The following CNNM4 variants were observed in gnomAD, a reference collection of about 807,000 sequenced individuals.
The protein encoded by CNNM4 is cyclin and CBS domain divalent metal cation transport mediator 4.
CNNM4 carries 32 observed loss-of-function variants against 53.7 expected under a neutral mutation model. The observed-to-expected ratio is 0.60, with a 90% CI of 0.45 to 0.80. The LOEUF (loss-of-function observed/expected upper bound fraction) is 0.80, where lower values mean the gene tolerates loss of function less well. CNNM4 is among the 30% of genes least tolerant of loss of function. The pLI is 0.00. For missense variants in CNNM4, 784 were observed against 1,022.0 expected (o/e 0.77, Z 3.17); for synonymous variants, 410 against 440.0 (o/e 0.93, Z 0.85).
rs754494081 is a variant in CNNM4 at position 96,761,563 on chromosome 2, A to G, written c.564A>G (p.Leu188=). Residue 188 remains leucine (L), a synonymous_variant, in exon 1 of 7, where the codon CTA becomes CTG. Transcript: ENST00000377075. This position sits in a 1 kb window ranked among gnomAD's most constrained non-coding sequence, Gnocchi z 6.0. Reference sequence around the variant, plus strand: ...TGCCTCTCTGGCTGCACATTCTCCTAATTACGGTGCTGCTGGTGCTGTCGG... The same window carrying G: ...TGCCTCTCTGGCTGCACATTCTCCTGATTACGGTGCTGCTGGTGCTGTCGG... ...RFLPLWLHIL[L]ITVLLVLSGI... 5.0e-6 allele frequency: 8 copies of G among 1,613,568 alleles called. No homozygotes were observed. The highest frequency in any genetic ancestry group is 6.8e-6 in the Non-Finnish European group (8 of 1,179,892).
At chr2:96,774,454 G>A (rs1216437714) in intron 1 of CNNM4, among the ~76,000 whole-genome samples, 5 of 152,094 alleles carry the variant, frequency 3.3e-5, no homozygotes, top group African/African-American at 4.8e-5. Context: ...AAAAAAGAAC[G>A]AACAGGGGAA....
chr2:96,787,716 C>A (rs2079026925), intron 1 of CNNM4, among the ~76,000 whole-genome samples: 1 of 151,976 alleles, frequency 6.6e-6, no homozygotes, highest in Non-Finnish European at 1.5e-5. Context: ...TAAAAATTAG[C>A]TGAGCTTAGT....
chr2:96,762,223 C>T lies in CNNM4; in HGVS notation c.1224C>T (p.Ile408=). The T allele has an allele frequency of 6.2e-7, 1 of 1,614,170 alleles. No homozygotes were observed. The highest frequency in any genetic ancestry group is 8.5e-7 in the Non-Finnish European group (1 of 1,180,046). The change falls in exon 1 of 7, where the codon ATC becomes ATT. Residue 408 remains isoleucine, a synonymous_variant. Coordinates refer to ENST00000377075, the MANE Select transcript of CNNM4 (RefSeq NM_020184.4). The part of the protein sequence containing the change: ...SEIMESGYTR[I]PVFEDEQSNI... Reference sequence around the variant, plus strand: ...TAATGGAAAGCGGCTATACTCGCATCCCGGTGTTCGAAGACGAGCAGTCCA... The same window carrying T: ...TAATGGAAAGCGGCTATACTCGCATTCCGGTGTTCGAAGACGAGCAGTCCA...
intron 5 of CNNM4, among the ~76,000 whole-genome samples, 178 bp downstream of exon 5, chr2:96,799,826 G>A (rs1449803379): frequency 6.6e-6 from 1 of 152,196 alleles, no homozygotes; most frequent in Non-Finnish European, 1.5e-5. Flanking sequence ...AGAGCAGAGG[G>A]AGCTGCCACT....
At position 96,761,591 on chromosome 2, in the gene CNNM4, A is replaced by G. The variant is rs933665899; in HGVS notation, c.592A>G (p.Ile198Val). The G allele has an allele frequency of 6.2e-7, 1 of 1,614,104 alleles. No homozygotes were observed. Among genetic ancestry groups the G allele is most frequent in the Non-Finnish European group, 8.5e-7 (1 of 1,180,016 alleles). ...TACGGTGCTGCTGGTGCTGTCGGGC[A>G]TATTTTCTGGCCTCAACCTCGGGCT... The part of the protein sequence containing the change: ...LITVLLVLSG[I>V]FSGLNLGLMA... Residue 198 changes from isoleucine to valine, a missense_variant, in exon 1 of 7, where the codon ATA (isoleucine) becomes GTA (valine). Physicochemically the swap from Ile to Val is conservative, Grantham distance 29. Transcript: ENST00000377075. The surrounding 1 kb of genome is among the most constrained non-coding windows in gnomAD (Gnocchi z 6.0).
At position 96,800,899 on chromosome 2, in the gene CNNM4, G is replaced by A. The variant is rs573691612; in HGVS notation, c.1948+1251G>A. Among the ~76,000 whole-genome samples, 1 of 152,282 alleles carries A rather than the reference G, an allele frequency of 6.6e-6. No individual in the cohort carries two copies. The highest frequency in any genetic ancestry group is 2.4e-5 in the African/African-American group (1 of 41,556). ...CCAGCTTCTGCCTGTCTCCGCACAG[G>A]GCTCACCGCTGTGCCCTGAGCACCC... On this transcript the variant is annotated intron_variant, in intron 5 of 6. Transcript: ENST00000377075. This position sits in a 1 kb window ranked among gnomAD's most constrained non-coding sequence, Gnocchi z 4.6.
intron 1 of CNNM4, among the ~76,000 whole-genome samples, chr2:96,791,380 C>T (rs1423231393): frequency 1.3e-5 from 2 of 151,666 alleles, no homozygotes; most frequent in African/African-American, 4.8e-5. Flanking sequence ...GCCTGTAATC[C>T]CGGCACTTAG....
At chr2:96,806,535 A>ACACACACGCGCGCG (rs374638753) in intron 5 of CNNM4, among the ~76,000 whole-genome samples, 1 of 123,944 alleles carries the variant, frequency 8.1e-6, no homozygotes, top group Non-Finnish European at 1.8e-5. Context: ...ACACACACAC[A>ACACACACGCGCGCG]CGCGCGCGCG....
Position 96,809,447 on chromosome 2 carries a change from A to G in CNNM4, c.2258A>G (p.Asp753Gly). The change falls in exon 7 of 7, where the codon GAC becomes GGC. Residue 753 changes from aspartate (D) to glycine (G), a missense_variant. Coordinates refer to ENST00000377075, the MANE Select transcript of CNNM4 (RefSeq NM_020184.4). ...GAGAAGTCTGAGCTGCCTGTGGTGG[A>G]CGAGACCACAACTCTTCTCAACGAG... is the stretch of plus-strand genomic sequence containing the variant. ...LAEKSELPVVDETTTLLNERN... is the reference protein window; with the variant it reads ...LAEKSELPVVGETTTLLNERN... 6.2e-7 allele frequency: 1 copy of G among 1,614,180 alleles called. No individual in the cohort carries two copies. The highest frequency in any genetic ancestry group is 8.5e-7 in the Non-Finnish European group (1 of 1,180,018).
rs139005295 is a variant in CNNM4 at position 96,797,846 on chromosome 2, C to A, written c.1681+199C>A. On this transcript the variant is annotated intron_variant, in intron 3 of 6. Transcript: ENST00000377075. This position sits in a 1 kb window ranked among gnomAD's most constrained non-coding sequence, Gnocchi z 6.0. ...CTGCGATTCATTTGCCATTAATGGG[C>A]GGCTACTGCAAACTTCTAGGAAGCA... Among the ~76,000 whole-genome samples the A allele has an allele frequency of 0.031, 4,791 of 152,270 alleles. 104 individuals carry two copies. The highest frequency in any genetic ancestry group is 0.06 in the South Asian group (291 of 4,824).
Position 96,799,063 on chromosome 2 carries a change from C to T in CNNM4, c.1688C>T (p.Ser563Phe). The change falls in exon 4 of 7, where the codon TCT becomes TTT. Residue 563 changes from serine to phenylalanine, a missense_variant. Around this residue, in one of 3 missense-constraint regions of CNNM4, gnomAD observed 307 missense variants for 376.3 expected, o/e 0.82. Coordinates refer to ENST00000377075, the MANE Select transcript of CNNM4 (RefSeq NM_020184.4). ...CTTCTCTCTCCTCCTACAGAGGTCT[C>T]TCAGTTTAGCCCCTCCCTGATATCA... ...AAHRFLATEV[S>F]QFSPSLISEK... The T allele has an allele frequency of 6.2e-7, 1 of 1,614,122 alleles. No individual in the cohort carries two copies. The highest frequency in any genetic ancestry group is 8.5e-7 in the Non-Finnish European group (1 of 1,179,998).
chr2:96,806,735 C>G (rs989092998), intron 5 of CNNM4, among the ~76,000 whole-genome samples: 1 of 152,122 alleles, frequency 6.6e-6, no homozygotes, highest in African/African-American at 2.4e-5. Context: ...CTTCTTTGTG[C>G]GTTTCATGGT....
intron 1 of CNNM4, among the ~76,000 whole-genome samples, chr2:96,765,781 CT>C (rs1394686273): frequency 8.2e-6 from 1 of 121,538 alleles, no homozygotes; most frequent in Non-Finnish European, 1.7e-5. Context: ...TTCTTTTTTT[CT>C]TTCTTTCTTT....
At position 96,799,105 on chromosome 2, in the gene CNNM4, G is replaced by A. The variant is rs773546305; in HGVS notation, c.1730G>A (p.Arg577Gln). 4 of 1,613,978 alleles carry A rather than the reference G, an allele frequency of 2.5e-6. No individual in the cohort carries two copies. Among genetic ancestry groups the A allele is most frequent in the African/African-American group, 2.7e-5 (2 of 74,890 alleles). The change falls in exon 4 of 7, where the codon CGG (arginine) becomes CAG (glutamine). Residue 577 changes from arginine (R) to glutamine (Q), a missense_variant. By Grantham distance (43) the Arg-to-Gln change is conservative (BLOSUM62 1). Coordinates refer to ENST00000377075, the MANE Select transcript of CNNM4 (RefSeq NM_020184.4). ...PSLISEKILLRLLKYPDVIQE... is the reference protein window; with the variant it reads ...PSLISEKILLQLLKYPDVIQE... ...CTGATATCAGAGAAGATCCTGCTGC[G>A]GCTACTCAAGTACCCAGATGTCATT...
At chr2:96,772,906 A>G (rs1485225477) in intron 1 of CNNM4, among the ~76,000 whole-genome samples, 1 of 135,422 alleles carries the variant, frequency 7.4e-6, no homozygotes, top group South Asian at 2.4e-4. Context: ...GCTCTCACCC[A>G]TGCACGCACA....
At chr2:96,774,090 C>T (rs74891813) in intron 1 of CNNM4, among the ~76,000 whole-genome samples, 4,109 of 152,244 alleles carry the variant, frequency 0.027, 207 homozygotes, top group African/African-American at 0.092. Flanking sequence ...TTAAACCCAC[C>T]GTCCTGACCG....
At chr2:96,771,571 G>A (rs928243777) in intron 1 of CNNM4, among the ~76,000 whole-genome samples, 9 of 151,868 alleles carry the variant, frequency 5.9e-5, no homozygotes, top group Admixed American at 1.3e-4. Flanking sequence ...AATTTTAGCC[G>A]GTCGTGGTGG....
chr2:96,788,739 G>C (rs1483094377), intron 1 of CNNM4: 1 of 152,270 alleles, frequency 6.6e-6, no homozygotes, highest in Non-Finnish European at 1.5e-5. Context: ...GGGCCTGAGA[G>C]CGCGGGAACA....
chr2:96,770,398 G>A (rs1558981251), intron 1 of CNNM4, among the ~76,000 whole-genome samples: 2 of 152,196 alleles, frequency 1.3e-5, no homozygotes, highest in Non-Finnish European at 2.9e-5. Flanking sequence ...GATCAGCAGG[G>A]GGCCCTTGGG....
Sources: allele counts gnomAD v4.1 joint callset (sites outside exome capture counted in the v4.1 genomes callset), GRCh38; gene constraint gnomAD v4.1.1; regional missense constraint gnomAD v4.1.1; non-coding constraint Gnocchi (gnomAD v3.1); transcripts MANE v1.5; gene names NCBI Gene and HGNC (gene_info 2026-07-23, HGNC 2026-07-21).